The following RABGAP1L variants were observed in gnomAD, a reference collection of about 807,000 sequenced individuals.
The protein encoded by RABGAP1L is RAB GTPase activating protein 1 like.
In RABGAP1L, 63 loss-of-function variants were observed where a neutral mutation model predicts 137.7. The observed-to-expected ratio is 0.46, with a 90% CI of 0.37 to 0.56. The LOEUF (loss-of-function observed/expected upper bound fraction) is 0.56. Among genes scored for constraint, RABGAP1L ranks in the 20% least tolerant of loss-of-function variants. The pLI is 0.00. For missense variants in RABGAP1L, 1,095 were observed against 1,244.0 expected (o/e 0.88, Z 1.80); for synonymous variants, 431 against 433.7 (o/e 0.99, Z 0.08).
chr1:174,780,791 A>T (rs36155622), intron 18 of RABGAP1L, among the ~76,000 whole-genome samples: 1 of 142,200 alleles, frequency 7.0e-6, no homozygotes, highest in African/African-American at 2.7e-5. Flanking sequence ...TCATTGTTCA[A>T]TTCCCACCTG....
chr1:174,262,677 T>C (rs1468860638), intron 7 of RABGAP1L, among the ~76,000 whole-genome samples: 1 of 152,212 alleles, frequency 6.6e-6, no homozygotes, highest in Non-Finnish European at 1.5e-5. Context: ...AAACATTTAA[T>C]TTATTGGTTT....
At chr1:174,904,683 T>C (rs2149171583) in intron 19 of RABGAP1L, among the ~76,000 whole-genome samples, 1 of 152,166 alleles carries the variant, frequency 6.6e-6, no homozygotes, top group East Asian at 1.9e-4. Context: ...GGTGTCTTCC[T>C]CTGTCACCCA....
intron 1 of RABGAP1L, among the ~76,000 whole-genome samples, chr1:174,218,447 G>A (rs769164702): frequency 1.9e-4 from 29 of 152,084 alleles, no homozygotes; most frequent in Non-Finnish European, 3.7e-4. Flanking sequence ...AGTGAGTGTT[G>A]TTTCTATGCT....
At chr1:174,459,514 C>A (rs1571905984) in intron 13 of RABGAP1L, among the ~76,000 whole-genome samples, 1 of 152,092 alleles carries the variant, frequency 6.6e-6, no homozygotes, top group East Asian at 1.9e-4. Context: ...CAATAACCTA[C>A]ACACACCCTT....
chr1:174,540,274 T>C (rs1051180442), intron 13 of RABGAP1L, among the ~76,000 whole-genome samples: 25 of 152,290 alleles, frequency 1.6e-4, no homozygotes, highest in South Asian at 4.1e-4. Context: ...GTTCCTTTTG[T>C]TGTGCAGAAG....
At chr1:174,755,384 T>C (rs1684660943) in intron 18 of RABGAP1L, among the ~76,000 whole-genome samples, 1 of 152,236 alleles carries the variant, frequency 6.6e-6, no homozygotes, top group Admixed American at 6.5e-5. Context: ...ATACATTCAA[T>C]AGATTTAATA....
At chr1:174,986,179 A>T (rs899856603) in intron 24 of RABGAP1L, among the ~76,000 whole-genome samples, 1 of 151,984 alleles carries the variant, frequency 6.6e-6, no homozygotes, top group African/African-American at 2.4e-5. Flanking sequence ...CGAACTCCTG[A>T]CCTCATGTTC....
At chr1:174,478,243 T>TTTG (rs1044696050) in intron 13 of RABGAP1L, among the ~76,000 whole-genome samples, 2 of 152,018 alleles carry the variant, frequency 1.3e-5, no homozygotes, top group East Asian at 3.9e-4. Flanking sequence ...TTTTCCTGTT[T>TTTG]TTGTTGTTGT....
chr1:174,177,532 G>A (rs955586370), intron 1 of RABGAP1L, among the ~76,000 whole-genome samples: 25 of 152,122 alleles, frequency 1.6e-4, no homozygotes, highest in Admixed American at 1.0e-3. Flanking sequence ...TGCTTTTGGC[G>A]TTTTAGTCAT....
intron 12 of RABGAP1L, among the ~76,000 whole-genome samples, chr1:174,386,943 G>T (rs919477554): frequency 6.6e-6 from 1 of 152,162 alleles, no homozygotes; most frequent in South Asian, 2.1e-4. Context: ...TGGCAGTATG[G>T]TGGGTAAGAA....
intron 19 of RABGAP1L, among the ~76,000 whole-genome samples, chr1:174,881,229 C>G (rs1161688759): frequency 6.6e-6 from 1 of 152,122 alleles, no homozygotes; most frequent in Non-Finnish European, 1.5e-5. Context: ...AGGGAATTCC[C>G]ACTCCTAACC....
At position 174,327,990 on chromosome 1, in the gene RABGAP1L, T is replaced by TATAC. The variant is rs1558136264; in HGVS notation, c.1465+22866_1465+22867insCATA. On this transcript the variant is annotated intron_variant, in intron 11 of 25. Coordinates refer to ENST00000681986, the MANE Select transcript of RABGAP1L (RefSeq NM_001366446.1). ...ATATATATATATATACACACACATATATATATATATATATATATATATATA... is the reference window on the plus strand; with the variant it reads ...ATATATATATATATACACACACATATATACATATATATATATATATATATATATA... Among the ~76,000 whole-genome samples, 39 of 36,356 alleles carry TATAC rather than the reference T, an allele frequency of 1.1e-3. 1 individual carries two copies. The highest frequency in any genetic ancestry group is 3.6e-3 in the African/African-American group (36 of 10,060). The allele number at this position is 36,356 out of a possible 152,430, so 23.9% of individuals were successfully genotyped here. A position where few individuals can be genotyped will look rare whatever the true frequency, so the allele number is the denominator to read the frequency against.
rs1668253779 is a variant in RABGAP1L at position 174,203,182 on chromosome 1, T to C, written c.-33-15943T>C. ...AGTCCATCTTGAGTTAATTTTTGTT[T>C]ATGATGTAAGGAAATGGTCCACCTT... is the stretch of plus-strand genomic sequence containing the variant. On this transcript the variant is annotated intron_variant, in intron 1 of 25. Transcript: ENST00000681986. 2.6e-5 allele frequency among the ~76,000 whole-genome samples: 4 copies of C among 152,208 alleles called. No homozygotes were observed. In the South Asian group the frequency reaches 8.3e-4, roughly 32 times the overall value.
intron 13 of RABGAP1L, among the ~76,000 whole-genome samples, chr1:174,504,350 G>A (rs1167007515): frequency 6.6e-6 from 1 of 151,226 alleles, no homozygotes; most frequent in Admixed American, 6.6e-5. Flanking sequence ...CTTGTTTTAG[G>A]ATTGTTTAAA....
At chr1:174,528,429 G>A (rs1664106839) in intron 13 of RABGAP1L, among the ~76,000 whole-genome samples, 1 of 151,746 alleles carries the variant, frequency 6.6e-6, no homozygotes, top group South Asian at 2.1e-4. Flanking sequence ...TCTTTGTCTG[G>A]GAAAGACTAC....
In RABGAP1L at chr1:174,651,731, C is replaced by G. The variant is rs571533931; in HGVS notation, c.1824+14243C>G. Among the ~76,000 whole-genome samples, 8 of 152,282 alleles carry G rather than the reference C, an allele frequency of 5.3e-5. No individual in the cohort carries two copies. The South Asian group carries it at 1.5e-3, about 28-fold the overall frequency. On this transcript the variant is annotated intron_variant, in intron 14 of 25. Transcript: ENST00000681986. ...TTCTGTTTTGAGCCTATGTGTGTCT[C>G]TGCAGGTGAGATGCGTTTCTTGAAT...
At chr1:174,517,842 AT>A in intron 13 of RABGAP1L, among the ~76,000 whole-genome samples, 1 of 152,176 alleles carries the variant, frequency 6.6e-6, no homozygotes, top group East Asian at 1.9e-4. Context: ...AGTTCTTTAT[AT>A]TTTCAGTGAC....
intron 14 of RABGAP1L, among the ~76,000 whole-genome samples, chr1:174,681,243 G>T (rs916322250): frequency 1.5e-4 from 23 of 152,140 alleles, no homozygotes; most frequent in African/African-American, 5.3e-4. Context: ...ATGAAAATCT[G>T]TATCCACAAA....
At chr1:174,866,419 A>G (rs188318493) in intron 19 of RABGAP1L, among the ~76,000 whole-genome samples, 27 of 152,322 alleles carry the variant, frequency 1.8e-4, no homozygotes, top group Non-Finnish European at 2.5e-4. Context: ...GCAATTTACT[A>G]TTGCTCTTAA....
Sources: gnomAD v4.1 joint callset for allele counts (sites outside exome capture counted in the v4.1 genomes callset) on GRCh38, gnomAD v4.1.1 for gene constraint, MANE v1.5 for transcripts, NCBI Gene and HGNC (gene_info 2026-07-23, HGNC 2026-07-21) for gene names.